The following PFKFB3 variants were observed in gnomAD, a reference collection of about 807,000 sequenced individuals.
PFKFB3 encodes the protein 6-phosphofructo-2-kinase/fructose-2,6-biphosphatase 3.
Under a neutral mutation model 68.0 loss-of-function variants are expected in PFKFB3, and 33 were observed. The ratio of observed to expected loss-of-function variants is 0.49; its 90% CI spans 0.37 to 0.65. PFKFB3 has a LOEUF of 0.65. PFKFB3 is among the 30% of genes least tolerant of loss of function. The pLI is 0.00. For synonymous variants in PFKFB3, 315 were observed against 288.2 expected, an observed-to-expected ratio of 1.09 and a Z score of -0.94; for missense variants, 586 against 712.2, an observed-to-expected ratio of 0.82 and a Z score of 2.02.
At chr10:6,158,552 TC>T (rs1308364989) in intron 1 of PFKFB3, among the ~76,000 whole-genome samples, 6 of 152,172 alleles carry the variant, frequency 3.9e-5, no homozygotes, top group Non-Finnish European at 5.9e-5. Context: ...TTTGGTCTTT[TC>T]TTTGGTGTAA....
At chr10:6,318,617 G>A in the PFKFB3 span, among the ~76,000 whole-genome samples, 3 of 152,180 alleles carry the variant, frequency 2.0e-5, no homozygotes, top group Non-Finnish European at 4.4e-5. Context: ...GCCTGACCAC[G>A]AAGATTTGTC....
chr10:6,203,449 G>T (rs1463618656), intron 1 of PFKFB3, 113 bp downstream of exon 1: 16 of 551,076 alleles, frequency 2.9e-5, no homozygotes, highest in African/African-American at 6.1e-5. Context: ...CGTGCGGGTC[G>T]CGCCGGCGGG....
At chr10:6,216,255 C>A (rs2131953151) in intron 4 of PFKFB3, 64 bp downstream of exon 4, 1 of 1,449,642 alleles carries the variant, frequency 6.9e-7, no homozygotes, top group Non-Finnish European at 9.7e-7. Context: ...CCTCACCGGC[C>A]TGGGGTGTAC....
upstream of PFKFB3, among the ~76,000 whole-genome samples, chr10:6,201,086 G>A (rs941982947): frequency 6.6e-6 from 1 of 152,280 alleles, no homozygotes; most frequent in African/African-American, 2.4e-5. This position sits in a 1 kb window ranked among gnomAD's most constrained non-coding sequence, Gnocchi z 4.1. Flanking sequence ...CATTCCCCAG[G>A]AACCGCGGGC....
chr10:6,200,941 C>G (rs1290522390), upstream of PFKFB3, among the ~76,000 whole-genome samples: 1 of 152,220 alleles, frequency 6.6e-6, no homozygotes, highest in African/African-American at 2.4e-5. Context: ...CGCCGTCTCT[C>G]TGCTCTCCCT....
At position 6,220,572 on chromosome 10, in the gene PFKFB3, G is replaced by T; in HGVS notation, c.624-86G>T. 3 of 1,250,708 alleles carry T rather than the reference G, an allele frequency of 2.4e-6. No homozygotes were observed. Among genetic ancestry groups the T allele is most frequent in the Non-Finnish European group, 3.5e-6 (3 of 861,594 alleles). 77.5% of individuals were successfully genotyped at this position (1,250,708 alleles called of 1,614,324 possible). On this transcript the variant is annotated intron_variant, in intron 7 of 14. Coordinates refer to ENST00000379775, the MANE Select transcript of PFKFB3 (RefSeq NM_004566.4). This position sits in a 1 kb window ranked among gnomAD's most constrained non-coding sequence, Gnocchi z 4.1. ...CTACGGTCCCGCCTTGCTGTTCTCT[G>T]GGGATCACATCTTCGGAGACGGGCC...
At chr10:6,320,998 A>G in the PFKFB3 span, among the ~76,000 whole-genome samples, 1 of 152,192 alleles carries the variant, frequency 6.6e-6, no homozygotes, top group East Asian at 1.9e-4. Flanking sequence ...GTCCATGGAA[A>G]TAGGATGCCT....
chr10:6,286,635 C>T, the PFKFB3 span, among the ~76,000 whole-genome samples: 7 of 152,350 alleles, frequency 4.6e-5, no homozygotes, highest in Non-Finnish European at 1.0e-4. Flanking sequence ...AACTCGGCCT[C>T]CCAAAGTGCT....
chr10:6,285,720 C>T, the PFKFB3 span, among the ~76,000 whole-genome samples: 1 of 152,136 alleles, frequency 6.6e-6, no homozygotes, highest in Non-Finnish European at 1.5e-5. Flanking sequence ...CCTATTTCCC[C>T]TTCCTCCCAG....
the PFKFB3 span, among the ~76,000 whole-genome samples, chr10:6,284,890 A>G: frequency 6.6e-6 from 1 of 152,208 alleles, no homozygotes; most frequent in South Asian, 2.1e-4. Flanking sequence ...TTTAAGGTTT[A>G]TCTATGTTAT....
At chr10:6,269,279 A>T in the PFKFB3 span, among the ~76,000 whole-genome samples, 1 of 151,638 alleles carries the variant, frequency 6.6e-6, no homozygotes, top group African/African-American at 2.4e-5. Context: ...GAACATAAAT[A>T]ACTTTTCCTA....
chr10:6,189,321 C>T (rs1842964802), intron 1 of PFKFB3, among the ~76,000 whole-genome samples: 1 of 152,072 alleles, frequency 6.6e-6, no homozygotes, highest in African/African-American at 2.4e-5. Flanking sequence ...TAGAATATCC[C>T]TAATTTTTTT....
the PFKFB3 span, among the ~76,000 whole-genome samples, chr10:6,304,933 C>T: frequency 1.8e-4 from 24 of 134,092 alleles, no homozygotes; most frequent in African/African-American, 2.5e-4. Context: ...CCTCCTGCCT[C>T]GGCCTTGCAA....
chr10:6,212,800 G>A (rs1261851766), intron 1 of PFKFB3, among the ~76,000 whole-genome samples: 1 of 152,178 alleles, frequency 6.6e-6, no homozygotes, highest in African/African-American at 2.4e-5. Flanking sequence ...GCGCCTGGCT[G>A]TAAACTCCTA....
chr10:6,154,818 C>T lies in PFKFB3; in HGVS notation c.16+9805C>T, dbSNP rs1284427510. On this transcript the variant is annotated intron_variant, in intron 1 of 14. Coordinates refer to the PFKFB3 transcript ENST00000379789. The surrounding 1 kb of genome is among the most constrained non-coding windows in gnomAD (Gnocchi z 4.6). ...GCCTTCTGTCTGATCTGGGGAGACG[C>T]TGGGAGCCAGGTGGCCGAGGCGGTC... Among the ~76,000 whole-genome samples, 1 of 152,304 alleles carries T rather than the reference C, an allele frequency of 6.6e-6. No homozygotes were observed. Among genetic ancestry groups the T allele is most frequent in the Non-Finnish European group, 1.5e-5 (1 of 68,012 alleles).
chr10:6,213,282 C>T (rs1277259204), intron 1 of PFKFB3, among the ~76,000 whole-genome samples: 1 of 152,104 alleles, frequency 6.6e-6, no homozygotes, highest in Non-Finnish European at 1.5e-5. Context: ...CCTGTAATCC[C>T]AGCACTCTGG....
Position 6,215,439 on chromosome 10 carries a change from T to TGGGCTGCG in PFKFB3, c.299+133_299+140dup, listed in dbSNP as rs148095189. On this transcript the variant is annotated intron_variant, in intron 3 of 14. Transcript: ENST00000379775. The surrounding 1 kb of genome is among the most constrained non-coding windows in gnomAD (Gnocchi z 4.3). ...TAGGGCTGGGCTGTGGGAATAAGGC[T>TGGGCTGCG]GGGCTGCGGGGCTGCGGGTGTAAGG... 25,660 of 735,666 alleles carry TGGGCTGCG rather than the reference T, an allele frequency of 0.035. 920 individuals are homozygous for TGGGCTGCG. Among genetic ancestry groups the TGGGCTGCG allele is most frequent in the East Asian group, 0.11 (4,191 of 36,850 alleles). The allele number at this position is 735,666 out of a possible 1,614,324, so 45.6% of individuals were successfully genotyped here.
intron 1 of PFKFB3, among the ~76,000 whole-genome samples, chr10:6,195,563 C>T (rs904384517): frequency 6.6e-6 from 1 of 152,198 alleles, no homozygotes. Flanking sequence ...CTCAGACTTT[C>T]CTCTAGAAGT....
downstream of PFKFB3, among the ~76,000 whole-genome samples, chr10:6,259,154 C>G (rs972890781): frequency 6.6e-6 from 1 of 151,170 alleles, no homozygotes; most frequent in African/African-American, 2.4e-5. Context: ...ATCCACCCAC[C>G]CATCCATTTA....
Sources: gnomAD v4.1 joint callset for allele counts (sites outside exome capture counted in the v4.1 genomes callset) on GRCh38, gnomAD v4.1.1 for gene constraint, Gnocchi (gnomAD v3.1) non-coding constraint, MANE v1.5 for transcripts, NCBI Gene and HGNC (gene_info 2026-07-23, HGNC 2026-07-21) for gene names.